The following AKAP9 variants were observed in gnomAD, a reference collection of about 807,000 sequenced individuals.
The protein encoded by AKAP9 is A-kinase anchor protein 9.
Under a neutral mutation model 488.5 loss-of-function variants are expected in AKAP9, and 311 were observed. The observed-to-expected ratio is 0.64, with a 90% CI of 0.58 to 0.70. The LOEUF is 0.70. Ranked by LOEUF, AKAP9 falls within the 30% of genes least tolerant of loss-of-function variation. AKAP9 has a pLI of 0.00. For missense variants in AKAP9, 4,215 were observed against 4,374.5 expected (o/e 0.96, Z 1.03); for synonymous variants, 1,462 against 1,483.5 (o/e 0.99, Z 0.33).
Position 92,085,558 on chromosome 7 carries a change from A to G in AKAP9, c.8896A>G (p.Ser2966Gly). The G allele has an allele frequency of 6.2e-7, 1 of 1,614,010 alleles. No homozygotes were observed. Among genetic ancestry groups the G allele is most frequent in the Non-Finnish European group, 8.5e-7 (1 of 1,179,930 alleles). Residue 2966 changes from serine (S) to glycine (G), a missense_variant, in exon 36 of 50, where the codon AGT becomes GGT. By Grantham distance (56) the Ser-to-Gly change is moderately conservative (BLOSUM62 0). Coordinates refer to ENST00000356239, the MANE Select transcript of AKAP9 (RefSeq NM_005751.5). ...GCTTTCTCTCACTGAGTCTCCCTAT[A>G]GTGATGGAGAGGACCATTCTATTCA... ...QVLSLTESPY[S>G]DGEDHSIQQV...
At position 92,097,599 on chromosome 7, in the gene AKAP9, G is replaced by A. The variant is rs1816840614; in HGVS notation, c.10412G>A (p.Ser3471Asn). The A allele has an allele frequency of 6.2e-7, 1 of 1,613,376 alleles. No individual in the cohort carries two copies. Among genetic ancestry groups the A allele is most frequent in the Admixed American group, 1.7e-5 (1 of 60,006 alleles). ...CAAAATTGCCAGCCAACCACGTGGA[G>A]CTTAACCAGTGATAGAACTAGAAAT... Reference protein sequence around the residue: ...YQNLNEPTTWSLTSDRTRNWV... With the variant: ...YQNLNEPTTWNLTSDRTRNWV... Residue 3471 changes from serine (S) to asparagine (N), a missense_variant, in exon 42 of 50, where the codon AGC becomes AAC. Coordinates refer to ENST00000356239, the MANE Select transcript of AKAP9 (RefSeq NM_005751.5).
At chr7:92,063,866 C>T (rs1001742090) in intron 24 of AKAP9, among the ~76,000 whole-genome samples, 2 of 152,024 alleles carry the variant, frequency 1.3e-5, no homozygotes, top group Admixed American at 1.3e-4. Flanking sequence ...CTGCAACCTC[C>T]GCCTCCTGGG....
At chr7:92,092,972 T>A (rs1815891552) in intron 38 of AKAP9, 125 bp from the exon 39 acceptor site, 1 of 837,292 alleles carries the variant, frequency 1.2e-6, no homozygotes, top group South Asian at 1.7e-5. Context: ...CTCTTGGGAC[T>A]ATAATTTTTC....
chr7:92,026,662 G>A (rs919884575), intron 14 of AKAP9, among the ~76,000 whole-genome samples: 9 of 152,230 alleles, frequency 5.9e-5, no homozygotes, highest in Non-Finnish European at 1.3e-4. Context: ...TGGAGTGCGT[G>A]GCGTGATCTC....
chr7:92,064,657 A>G (rs1008465395), intron 24 of AKAP9, among the ~76,000 whole-genome samples: 7 of 152,196 alleles, frequency 4.6e-5, no homozygotes, highest in African/African-American at 1.7e-4. Context: ...TGATTCACAT[A>G]CATGTGACCA....
chr7:91,957,576 T>A (rs1003752036), intron 1 of AKAP9, among the ~76,000 whole-genome samples: 1 of 152,216 alleles, frequency 6.6e-6, no homozygotes, highest in Non-Finnish European at 1.5e-5. Flanking sequence ...AAATGTATCA[T>A]AAACAACCCT....
At chr7:91,967,640 G>T (rs1364384867) in intron 1 of AKAP9, among the ~76,000 whole-genome samples, 2 of 152,074 alleles carry the variant, frequency 1.3e-5, no homozygotes, top group Admixed American at 6.6e-5. Flanking sequence ...TTGTGTCTTT[G>T]GGATGAATCC....
chr7:92,008,235 C>T (rs989197851), intron 8 of AKAP9, among the ~76,000 whole-genome samples: 9 of 151,938 alleles, frequency 5.9e-5, no homozygotes, highest in Middle Eastern at 3.4e-3. Flanking sequence ...GGCATGGGGG[C>T]GCGTGCCTGT....
Position 92,076,882 on chromosome 7 carries a change from C to T in AKAP9, c.6640C>T (p.Gln2214Ter). The stretch of plus-strand genomic sequence containing the variant: ...TACAAACTTAGAAGAGCAATTAGAA[C>T]AGTTTAGAGAAGAACTGGAAAATAA... ...EITNLEEQLE[Q>*]FREELENKNE... is the part of the protein sequence containing the mutation. The change falls in exon 29 of 50, where the codon CAG (glutamine) becomes TAG (stop). Residue 2214 changes from glutamine (Q) to a stop codon, truncating the protein, a stop_gained. Coordinates refer to ENST00000356239, the MANE Select transcript of AKAP9 (RefSeq NM_005751.5). LOFTEE classifies it high-confidence loss of function. 6.7e-7 allele frequency: 1 copy of T among 1,485,656 alleles called. No homozygotes were observed. The highest frequency in any genetic ancestry group is 1.2e-5 in the South Asian group (1 of 80,476). The allele number at this position is 1,485,656 out of a possible 1,614,324, so 92.0% of individuals were successfully genotyped here. A position where few individuals can be genotyped will look rare whatever the true frequency, so the allele number is the denominator to read the frequency against.
At position 92,076,918 on chromosome 7, in the gene AKAP9, G is replaced by A. The variant is rs561591139; in HGVS notation, c.6676G>A (p.Val2226Ile). 25 of 1,545,500 alleles carry A rather than the reference G, an allele frequency of 1.6e-5. No homozygotes were observed. The African/African-American group carries it at 3.3e-4, about 20-fold the overall frequency. ...REELENKNEE[V>I]QQLHMQLEIQ... is the part of the protein sequence containing the mutation. ...AGAACTGGAAAATAAGAATGAAGAA[G>A]TTCAACAATTACATATGCAATTAGA... Residue 2226 changes from valine (V) to isoleucine (I), a missense_variant, in exon 29 of 50, where the codon GTT becomes ATT. By Grantham distance (29) the Val-to-Ile change is conservative. This residue lies in a region of AKAP9 where 51 missense variants were observed against 87.3 expected (regional missense o/e 0.58). Transcript: ENST00000356239.
intron 16 of AKAP9, among the ~76,000 whole-genome samples, chr7:92,036,271 T>C (rs983965534): frequency 6.6e-6 from 1 of 151,942 alleles, no homozygotes; most frequent in African/African-American, 2.4e-5. Context: ...ACATTTAAGA[T>C]CTTCTTTTTG....
Position 92,105,707 on chromosome 7 carries a change from G to C in AKAP9, c.11360G>C (p.Arg3787Pro). The change falls in exon 47 of 50, where the codon CGA becomes CCA. Residue 3787 changes from arginine (R) to proline (P), a missense_variant. Coordinates refer to ENST00000356239, the MANE Select transcript of AKAP9 (RefSeq NM_005751.5). ...AAATTTTTGGTTCGACGGTGGCATC[G>C]AGTCACAGGTTCTGTTTCCATCAAT... ...RMKFLVRRWH[R>P]VTGSVSININ... 1 of 1,614,176 alleles carries C rather than the reference G, an allele frequency of 6.2e-7. No individual in the cohort carries two copies. The highest frequency in any genetic ancestry group is 8.5e-7 in the Non-Finnish European group (1 of 1,180,020).
chr7:91,995,999 G>A lies in AKAP9; in HGVS notation c.930+199G>A, dbSNP rs555123645. The A allele has an allele frequency of 5.0e-6, 3 of 600,066 alleles. No homozygotes were observed. The Admixed American group carries it at 9.2e-5, about 18-fold the overall frequency. 37.2% of individuals were successfully genotyped at this position (600,066 alleles called of 1,614,324 possible). A position where few individuals can be genotyped will look rare whatever the true frequency, so the allele number is the denominator to read the frequency against. On this transcript the variant is annotated intron_variant, in intron 7 of 49. Transcript: ENST00000356239. ...ATAGTCATTACTGAGTTCCCTAAAA[G>A]TGATCAGCCTATGTTAAACTGAATT...
chr7:91,965,595 T>G (rs1022045359), intron 1 of AKAP9, among the ~76,000 whole-genome samples: 1 of 152,210 alleles, frequency 6.6e-6, no homozygotes, highest in Non-Finnish European at 1.5e-5. Context: ...TTTAGTTTTT[T>G]AGAAATCCTC....
At chr7:92,102,244 A>T (rs547972148) in intron 45 of AKAP9, among the ~76,000 whole-genome samples, 39 of 146,762 alleles carry the variant, frequency 2.7e-4, no homozygotes, top group African/African-American at 8.8e-4. Context: ...CTGTACAATT[A>T]AAAAAAAAAT....
In AKAP9 at chr7:92,096,681, C is replaced by T. The variant is rs566100012; in HGVS notation, c.9730-8C>T. On this transcript the variant is annotated splice_polypyrimidine_tract_variant and splice_region_variant and intron_variant, in intron 40 of 49. Coordinates refer to ENST00000356239, the MANE Select transcript of AKAP9 (RefSeq NM_005751.5). ...AACAAGTTCTTAAATTTGATTTTCT[C>T]GTACCAGGATCTGAAGTTTTCACTT... The T allele has an allele frequency of 3.7e-6, 6 of 1,613,652 alleles. No homozygotes were observed. The highest frequency in any genetic ancestry group is 4.5e-5 in the East Asian group (2 of 44,876).
chr7:91,961,378 A>G (rs1640320936), intron 1 of AKAP9, among the ~76,000 whole-genome samples: 1 of 150,824 alleles, frequency 6.6e-6, no homozygotes, highest in Non-Finnish European at 1.5e-5. Flanking sequence ...GGGTTTCACC[A>G]TGTTGGTCAG....
At chr7:91,998,418 CTTTTTTTTTTT>C (rs60778133) in intron 7 of AKAP9, among the ~76,000 whole-genome samples, 31 of 53,994 alleles carry the variant, frequency 5.7e-4, no homozygotes, top group African/African-American at 1.3e-3. Flanking sequence ...CCACAGGGCT[CTTTTTTTTTTT>C]TTTTTTTTTT....
chr7:92,098,021 G>C, intron 42 of AKAP9, 88 bp from the exon 43 acceptor site: 3 of 927,848 alleles, frequency 3.2e-6, no homozygotes, highest in Non-Finnish European at 5.2e-6. Context: ...GATAGGTGAA[G>C]TAGAACGTCG....
Sources: gnomAD v4.1 joint callset for allele counts (sites outside exome capture counted in the v4.1 genomes callset) on GRCh38, gnomAD v4.1.1 for gene constraint, gnomAD v4.1.1 regional missense constraint, MANE v1.5 for transcripts, NCBI Gene and HGNC (gene_info 2026-07-23, HGNC 2026-07-21) for gene names.